The following QPCT variants were observed in gnomAD, a reference collection of about 807,000 sequenced individuals.
QPCT encodes EC.
Under a neutral mutation model 43.4 loss-of-function variants are expected in QPCT, and 44 were observed. The observed-to-expected ratio is 1.01, with a 90% confidence interval of 0.80 to 1.30. The LOEUF is 1.30. QPCT is among the 50% of genes most tolerant of loss of function. QPCT has a pLI of 0.00. For missense variants in QPCT, 526 were observed against 436.5 expected (o/e 1.21, Z -1.83); for synonymous variants, 168 against 168.4 (o/e 1.00, Z 0.02).
intron 1 of QPCT, among the ~76,000 whole-genome samples, chr2:37,350,866 A>G (rs1428796234): frequency 6.6e-6 from 1 of 152,204 alleles, no homozygotes; most frequent in Non-Finnish European, 1.5e-5. Flanking sequence ...ACTTAATTCT[A>G]TTTACCCTAG....
chr2:37,369,840 T>A, intron 5 of QPCT, 56 bp downstream of exon 5: 1 of 1,431,638 alleles, frequency 7.0e-7, no homozygotes, highest in South Asian at 1.1e-5. Context: ...TGACAGATAC[T>A]ACATTTTTAA....
Position 37,347,168 on chromosome 2 carries a change from T to TATATATATC in QPCT, c.120+2325_120+2326insCATATATAT, listed in dbSNP as rs1672511940. Among the ~76,000 whole-genome samples, 11 of 52,832 alleles carry TATATATATC rather than the reference T, an allele frequency of 2.1e-4. 2 individuals are homozygous for TATATATATC. The highest frequency in any genetic ancestry group is 9.7e-4 in the Admixed American group (3 of 3,078). The allele number at this position is 52,832 out of a possible 152,430, so 34.7% of individuals were successfully genotyped here. A position where few individuals can be genotyped will look rare whatever the true frequency, so the allele number is the denominator to read the frequency against. On this transcript the variant is annotated intron_variant, in intron 1 of 6. Coordinates refer to ENST00000338415, the MANE Select transcript of QPCT (RefSeq NM_012413.4). ...TTTATATATATATATATATATAACA[T>TATATATATC]ATATATATATAACATATATATATAA...
At chr2:37,368,775 C>A (rs1673015650) in intron 4 of QPCT, 1 of 443,498 alleles carries the variant, frequency 2.3e-6, no homozygotes, top group Admixed American at 2.6e-5. Flanking sequence ...TTTATCAGTC[C>A]AAATATATGA....
At chr2:37,363,346 G>A (rs1238702079) in intron 3 of QPCT, among the ~76,000 whole-genome samples, 2 of 151,976 alleles carry the variant, frequency 1.3e-5, no homozygotes, top group African/African-American at 4.8e-5. Flanking sequence ...GAAAGGGCCT[G>A]GAGCAGTGGC....
rs1672983992 is a variant in QPCT, at chr2:37,367,385, G to A, written c.700G>A (p.Gly234Ser). The A allele has an allele frequency of 3.7e-6, 6 of 1,613,652 alleles. No homozygotes were observed. The highest frequency in any genetic ancestry group is 1.1e-5 in the South Asian group (1 of 91,062). The change falls in exon 4 of 7, where the codon GGC becomes AGC. Residue 234 changes from glycine (G) to serine (S), a missense_variant. Transcript: ENST00000338415. The part of the protein sequence containing the change: ...ASTPHPPGAR[G>S]TSQLHGMDLL... ...GACCCCGCACCCACCTGGAGCGAGA[G>A]GCACCAGCCAACTGCATGGCATGGT...
chr2:37,360,555 C>T (rs1433059289), intron 3 of QPCT, among the ~76,000 whole-genome samples: 2 of 152,096 alleles, frequency 1.3e-5, no homozygotes, highest in Non-Finnish European at 2.9e-5. Context: ...AAAGCAAAAA[C>T]AAAAAACTTT....
chr2:37,366,632 T>C (rs72864893), intron 3 of QPCT, among the ~76,000 whole-genome samples: 6,448 of 152,304 alleles, frequency 0.042, 164 homozygotes, highest in African/African-American at 0.067. Flanking sequence ...TGGAGTTTAG[T>C]ATTCAGGTCA....
intron 2 of QPCT, 79 bp from the exon 3 acceptor site, chr2:37,359,501 C>G: frequency 1.5e-6 from 2 of 1,378,204 alleles, no homozygotes; most frequent in South Asian, 2.8e-5. Context: ...AAAGGCACTA[C>G]TTAAAATTTC....
chr2:37,364,595 C>A (rs6722596), intron 3 of QPCT, among the ~76,000 whole-genome samples: 20,294 of 152,116 alleles, frequency 0.13, 4,176 homozygotes, highest in African/African-American at 0.44. Context: ...AGAGGCAGGA[C>A]GAACTGGATT....
At chr2:37,347,865 G>C (rs913558311) in intron 1 of QPCT, among the ~76,000 whole-genome samples, 1 of 152,042 alleles carries the variant, frequency 6.6e-6, no homozygotes, top group Non-Finnish European at 1.5e-5. Flanking sequence ...TATTAGTTTC[G>C]ATAAACTAAA....
At chr2:37,348,697 G>A (rs897572118) in intron 1 of QPCT, among the ~76,000 whole-genome samples, 1 of 152,154 alleles carries the variant, frequency 6.6e-6, no homozygotes, top group East Asian at 1.9e-4. Context: ...CAGGATATCT[G>A]GTTCACACTT....
rs369249341 is a variant in QPCT, at chr2:37,344,749, C to A, written c.18C>A (p.His6Gln). The change falls in exon 1 of 7, where the codon CAC becomes CAA. Residue 6 changes from histidine to glutamine, a missense_variant. Transcript: ENST00000338415. Reference protein sequence around the residue: MAGGRHRRVVGTLHLL... With the variant: MAGGRQRRVVGTLHLL... ...TCGGAGAGATGGCAGGCGGAAGACA[C>A]CGGCGCGTCGTGGGCACCCTCCACC... The A allele has an allele frequency of 4.7e-5, 75 of 1,605,388 alleles. No homozygotes were observed. Among genetic ancestry groups the A allele is most frequent in the Non-Finnish European group, 5.5e-5 (65 of 1,177,322 alleles).
At chr2:37,350,878 A>T (rs1672605685) in intron 1 of QPCT, among the ~76,000 whole-genome samples, 2 of 152,226 alleles carry the variant, frequency 1.3e-5, no homozygotes, top group Admixed American at 1.3e-4. Context: ...TTACCCTAGG[A>T]TTCAGGTATT....
chr2:37,357,890 A>T (rs1414800764), intron 2 of QPCT, among the ~76,000 whole-genome samples: 2 of 152,144 alleles, frequency 1.3e-5, no homozygotes, highest in Non-Finnish European at 2.9e-5. Context: ...GAGGAAAAAA[A>T]AAATAAAAGC....
At chr2:37,350,130 G>C (rs192884162) in intron 1 of QPCT, among the ~76,000 whole-genome samples, 2 of 152,160 alleles carry the variant, frequency 1.3e-5, no homozygotes, top group African/African-American at 4.8e-5. Context: ...GCCAGGTGAA[G>C]AGGAGGGGAA....
chr2:37,372,840 GT>G lies in QPCT; in HGVS notation c.*16del. ...TCTTCATTTGTAATACTCTGATTTAGTTTAGGATAATTGGTTCTAGAATTGA... is the reference window on the plus strand; with the variant it reads ...TCTTCATTTGTAATACTCTGATTTAGTTAGGATAATTGGTTCTAGAATTGA... On this transcript the variant is annotated 3_prime_UTR_variant, in exon 7 of 7. Transcript: ENST00000338415. 4.4e-6 allele frequency: 7 copies of G among 1,588,940 alleles called. No homozygotes were observed. The highest frequency in any genetic ancestry group is 6.0e-6 in the Non-Finnish European group (7 of 1,165,916).
Position 37,352,902 on chromosome 2 carries a change from C to T in QPCT, c.234C>T (p.Tyr78=), listed in dbSNP as rs760504765. The part of the protein sequence containing the change: ...NDLQPLLIER[Y]PGSPGSYAAR... The stretch of plus-strand genomic sequence containing the variant: ...TACAGCCATTGCTGATAGAGCGATA[C>T]CCGGGATCCCCTGGAAGCTATGCTG... Residue 78 remains tyrosine, a synonymous_variant, in exon 2 of 7, where the codon TAC becomes TAT. Coordinates refer to ENST00000338415, the MANE Select transcript of QPCT (RefSeq NM_012413.4). 1.9e-6 allele frequency: 3 copies of T among 1,613,994 alleles called. No individual in the cohort carries two copies. Among genetic ancestry groups the T allele is most frequent in the South Asian group, 2.2e-5 (2 of 91,068 alleles).
In QPCT at chr2:37,367,320, C is replaced by G. The variant is rs766900968; in HGVS notation, c.635C>G (p.Ser212Cys). 1.2e-6 allele frequency: 2 copies of G among 1,614,090 alleles called. No individual in the cohort carries two copies. The highest frequency in any genetic ancestry group is 1.7e-5 in the Admixed American group (1 of 60,010). The stretch of plus-strand genomic sequence containing the variant: ...TTTCTTCACTGGTCTCCTCAAGATT[C>G]TCTCTATGGGTCTCGACACTTAGCT... ...EAFLHWSPQDSLYGSRHLAAK... is the reference protein window; with the variant it reads ...EAFLHWSPQDCLYGSRHLAAK... The change falls in exon 4 of 7, where the codon TCT (serine) becomes TGT (cysteine). Residue 212 changes from serine to cysteine, a missense_variant. Physicochemically the swap from Ser to Cys is moderately radical, Grantham distance 112 (BLOSUM62 -1). Transcript: ENST00000338415.
chr2:37,348,513 G>A (rs1380017480), intron 1 of QPCT, among the ~76,000 whole-genome samples: 2 of 152,132 alleles, frequency 1.3e-5, no homozygotes, highest in African/African-American at 2.4e-5. Flanking sequence ...AGAATTGCCC[G>A]GGAGACATTC....
Sources: allele counts gnomAD v4.1 joint callset (sites outside exome capture counted in the v4.1 genomes callset), GRCh38; gene constraint gnomAD v4.1.1; transcripts MANE v1.5; gene names NCBI Gene and HGNC (gene_info 2026-07-23, HGNC 2026-07-21).